Variants in PALLD observed in about 807,000 individuals in gnomAD.
The protein encoded by PALLD is palladin.
In PALLD, 61 loss-of-function variants were observed where a neutral mutation model predicts 123.5. The observed-to-expected ratio is 0.49, with a 90% CI of 0.40 to 0.61. PALLD has a LOEUF of 0.61. Ranked by LOEUF, PALLD falls within the 20% of genes least tolerant of loss-of-function variation. The probability of loss-of-function intolerance (pLI) is 0.00; values close to 1 mark genes in which losing one functional copy is unlikely to be tolerated. For missense variants in PALLD, 1,273 were observed against 1,377.0 expected, an observed-to-expected ratio of 0.92 and a Z score of 1.20; for synonymous variants, 465 against 496.4, an observed-to-expected ratio of 0.94 and a Z score of 0.84.
Position 168,877,894 on chromosome 4 carries a change from G to A in PALLD, c.1965-13028G>A, listed in dbSNP as rs1751989069. The A allele has an allele frequency of 6.8e-7, 1 of 1,468,492 alleles. No individual in the cohort carries two copies. Among genetic ancestry groups the A allele is most frequent in the South Asian group, 1.3e-5 (1 of 78,104 alleles). 91.0% of individuals were successfully genotyped at this position (1,468,492 alleles called of 1,614,324 possible). On this transcript the variant is annotated intron_variant, in intron 10 of 21. Coordinates refer to ENST00000505667, the MANE Select transcript of PALLD (RefSeq NM_001166108.2). ...CGCCGCCCGCGTCCCCGGAGCCCAT[G>A]AGCGCGCTGGCCTCCCGCTCCGCCC...
chr4:168,848,804 A>C (rs1436070900), intron 10 of PALLD, among the ~76,000 whole-genome samples: 2 of 152,166 alleles, frequency 1.3e-5, no homozygotes, highest in Non-Finnish European at 2.9e-5. Context: ...TTTATTTCTA[A>C]ACTTTACCAA....
At chr4:168,727,176 A>G (rs1177652519) in intron 10 of PALLD, among the ~76,000 whole-genome samples, 6 of 152,190 alleles carry the variant, frequency 3.9e-5, no homozygotes, top group African/African-American at 7.2e-5. Flanking sequence ...GAATAGTGCT[A>G]CAGTGAACAT....
intron 10 of PALLD, among the ~76,000 whole-genome samples, chr4:168,837,379 G>A (rs562461742): frequency 2.0e-5 from 3 of 152,310 alleles, no homozygotes; most frequent in African/African-American, 4.8e-5. Context: ...TTTTTTAAGT[G>A]AAGGTTAGTT....
At chr4:168,921,807 T>C in intron 18 of PALLD, 66 bp downstream of exon 18, 1 of 1,223,630 alleles carries the variant, frequency 8.2e-7, no homozygotes, top group Non-Finnish European at 1.2e-6. Flanking sequence ...TGTAAACTAA[T>C]TCTACATTAC....
intron 2 of PALLD, among the ~76,000 whole-genome samples, chr4:168,556,876 GA>G (rs1767364501): frequency 6.6e-6 from 1 of 152,152 alleles, no homozygotes; most frequent in African/African-American, 2.4e-5. Context: ...AAGCCTAGAA[GA>G]AGTGGCTACT....
At chr4:168,787,080 G>T (rs899703480) in intron 10 of PALLD, among the ~76,000 whole-genome samples, 1 of 152,140 alleles carries the variant, frequency 6.6e-6, no homozygotes, top group African/African-American at 2.4e-5. Flanking sequence ...TTTAAAACAT[G>T]GGAGATAATG....
intron 3 of PALLD, among the ~76,000 whole-genome samples, chr4:168,680,153 A>G (rs537934550): frequency 2.0e-5 from 3 of 152,210 alleles, no homozygotes; most frequent in South Asian, 2.1e-4. Context: ...ATAAATATGT[A>G]CATAAATGTA....
At chr4:168,720,958 G>C (rs1435792591) in intron 10 of PALLD, among the ~76,000 whole-genome samples, 2 of 152,094 alleles carry the variant, frequency 1.3e-5, no homozygotes, top group African/African-American at 4.8e-5. Flanking sequence ...TAGGCTAATT[G>C]TGCTTTGCTG....
chr4:168,617,009 A>G (rs1774288205), intron 2 of PALLD, among the ~76,000 whole-genome samples: 2 of 152,312 alleles, frequency 1.3e-5, no homozygotes, highest in South Asian at 2.1e-4. Flanking sequence ...GAGCAGCTTA[A>G]AAGACAGTTA....
intron 2 of PALLD, among the ~76,000 whole-genome samples, chr4:168,535,484 C>G (rs534152971): frequency 1.3e-5 from 2 of 152,310 alleles, no homozygotes; most frequent in East Asian, 3.9e-4. Flanking sequence ...AATTGAGATT[C>G]AGATAACCGA....
chr4:168,698,912 G>A (rs572888273), intron 8 of PALLD, among the ~76,000 whole-genome samples: 5 of 152,158 alleles, frequency 3.3e-5, no homozygotes, highest in African/African-American at 1.2e-4. Context: ...AAATTAAATT[G>A]GGGAGAGCCT....
intron 10 of PALLD, among the ~76,000 whole-genome samples, chr4:168,721,549 A>C (rs911450391): frequency 6.6e-6 from 1 of 152,196 alleles, no homozygotes; most frequent in Non-Finnish European, 1.5e-5. Flanking sequence ...GAGTGCTGGA[A>C]ATTTGGGCAG....
At chr4:168,857,424 T>A (rs769773303) in intron 10 of PALLD, among the ~76,000 whole-genome samples, 6 of 152,222 alleles carry the variant, frequency 3.9e-5, no homozygotes, top group Non-Finnish European at 8.8e-5. Flanking sequence ...TTCATGAGAA[T>A]AGTCCTTACG....
intron 2 of PALLD, among the ~76,000 whole-genome samples, chr4:168,518,199 T>G (rs11945158): frequency 0.74 from 112,391 of 151,858 alleles, 41,813 homozygotes; most frequent in East Asian, 0.86. Flanking sequence ...GCACCACCTT[T>G]AATGTCTCCA....
intron 10 of PALLD, among the ~76,000 whole-genome samples, chr4:168,856,335 A>T (rs1012442690): frequency 6.6e-6 from 1 of 152,170 alleles, no homozygotes; most frequent in African/African-American, 2.4e-5. Context: ...GTTTTTTGGT[A>T]GAATGATTTA....
chr4:168,532,598 G>C lies in PALLD; in HGVS notation c.908+20186G>C, dbSNP rs116805490. 2.7e-3 allele frequency among the ~76,000 whole-genome samples: 411 copies of C among 152,194 alleles called. 2 individuals carry two copies. Among genetic ancestry groups the C allele is most frequent in the African/African-American group, 9.3e-3 (386 of 41,550 alleles). On this transcript the variant is annotated intron_variant, in intron 2 of 21. Coordinates refer to ENST00000505667, the MANE Select transcript of PALLD (RefSeq NM_001166108.2). ...AGTAGGATATAATAAAATTAGAATA[G>C]AATTACGTAAGTAAAAATTTCAGAG...
At chr4:168,557,292 T>C (rs1767419098) in intron 2 of PALLD, among the ~76,000 whole-genome samples, 2 of 152,070 alleles carry the variant, frequency 1.3e-5, no homozygotes, top group African/African-American at 4.8e-5. Flanking sequence ...GATCTGCCCA[T>C]CTCAGCCTCC....
rs558376960 is a variant in PALLD, at chr4:168,901,572, C to T, written c.2473-2185C>T. Among the ~76,000 whole-genome samples the T allele has an allele frequency of 3.3e-5, 5 of 152,246 alleles. No individual in the cohort carries two copies. In the South Asian group the frequency reaches 1.0e-3, roughly 32 times the overall value. On this transcript the variant is annotated intron_variant, in intron 14 of 21. Coordinates refer to ENST00000505667, the MANE Select transcript of PALLD (RefSeq NM_001166108.2). ...TCTTTTTTCCATCAGAAATAGTCAA[C>T]CATAGCCAGGCACAGTGGCTCACAC...
chr4:168,910,498 C>T (rs539348361), intron 15 of PALLD, among the ~76,000 whole-genome samples: 2 of 152,104 alleles, frequency 1.3e-5, no homozygotes, highest in South Asian at 4.1e-4. Context: ...AAATAAAATT[C>T]CATTACATAA....
Sources: gnomAD v4.1 joint callset for allele counts (sites outside exome capture counted in the v4.1 genomes callset) on GRCh38, gnomAD v4.1.1 for gene constraint, MANE v1.5 for transcripts, NCBI Gene and HGNC (gene_info 2026-07-23, HGNC 2026-07-21) for gene names.